PUF60: variants seen among roughly 807,000 people sequenced by gnomAD.
PUF60 encodes the protein poly(U)-binding-splicing factor PUF60.
Under a neutral mutation model 61.8 loss-of-function variants are expected in PUF60, and 10 were observed. The ratio of observed to expected loss-of-function variants is 0.16; its 90% CI spans 0.10 to 0.27. PUF60 has a LOEUF of 0.27. PUF60 is among the 10% of genes least tolerant of loss of function. The pLI is 1.00. For missense variants in PUF60, 371 were observed against 754.0 expected (o/e 0.49, Z 5.95); for synonymous variants, 353 against 300.9 (o/e 1.17, Z -1.79).
rs1816546480 is a variant in PUF60 at position 143,817,885 on chromosome 8, T to C, written c.794A>G (p.Lys265Arg). 7.4e-6 allele frequency: 12 copies of C among 1,612,444 alleles called. No individual in the cohort carries two copies. Among genetic ancestry groups the C allele is most frequent in the Non-Finnish European group, 1.0e-5 (12 of 1,179,662 alleles). Residue 265 changes from lysine to arginine, a missense_variant, in exon 8 of 12, where the codon AAG (lysine) becomes AGG (arginine). This residue lies in a region of PUF60 where 24 missense variants were observed against 35.0 expected (regional missense o/e 0.68). Transcript: ENST00000526683. The surrounding 1 kb of genome is among the most constrained non-coding windows in gnomAD (Gnocchi z 7.4). Reference sequence around the variant, plus strand: ...ACCAATGAAGCCGTAGCCCTTGTGCTTGCCAGTTGTGGGGTCCCGGGCCAG... The same window carrying C: ...ACCAATGAAGCCGTAGCCCTTGTGCCTGCCAGTTGTGGGGTCCCGGGCCAG... ...CTLARDPTTG[K>R]HKGYGFIEYE... is the part of the protein sequence containing the mutation.
At chr8:143,824,710 G>T (rs756396453) in intron 1 of PUF60, 1 of 407,748 alleles carries the variant, frequency 2.5e-6, no homozygotes, top group Admixed American at 4.0e-5. Flanking sequence ...CTCTCCTGCC[G>T]GCAGGCTGGA....
In PUF60 at chr8:143,824,295, G is replaced by A. The variant is rs751526957; in HGVS notation, c.111+18C>T. ...GCAGGCGGGCGGGCCTGAGGGAGAG[G>A]ATGCTTAAGGTCAGTACCTGTGGAG... On this transcript the variant is annotated intron_variant, in intron 2 of 11. Transcript: ENST00000526683. 8.8e-6 allele frequency: 14 copies of A among 1,593,050 alleles called. No individual in the cohort carries two copies. The highest frequency in any genetic ancestry group is 6.0e-6 in the Non-Finnish European group (7 of 1,171,552).
chr8:143,820,826 G>A (rs1563831352), intron 4 of PUF60, 110 bp from the exon 5 acceptor site: 3 of 1,070,866 alleles, frequency 2.8e-6, no homozygotes. Context: ...CCCTGCCAGG[G>A]AGGCCGCCTG....
At chr8:143,824,771 G>A (rs956466339) in intron 1 of PUF60, 5 of 302,648 alleles carry the variant, frequency 1.7e-5, no homozygotes, top group South Asian at 3.9e-5. Context: ...AGGCAGCAGC[G>A]GTGCCTTCCT....
chr8:143,816,941 A>T lies in PUF60; in HGVS notation c.1349T>A (p.Met450Lys). The T allele has an allele frequency of 6.5e-7, 1 of 1,548,332 alleles. No homozygotes were observed. The change falls in exon 11 of 12, where the codon ATG becomes AAG. Residue 450 changes from methionine to lysine, a missense_variant. Physicochemically the swap from Met to Lys is moderately conservative, Grantham distance 95. This residue lies in a region of PUF60 where 38 missense variants were observed against 112.9 expected (regional missense o/e 0.34). Coordinates refer to ENST00000526683, the MANE Select transcript of PUF60 (RefSeq NM_078480.3). ...MSISGSSARH[M>K]VMQKLLRKQE... ...CTTGCGGAGCAGCTTCTGCATCACCATGTGTCGGGCGCTACTGCCCGAGAT... is the reference window on the plus strand; with the variant it reads ...CTTGCGGAGCAGCTTCTGCATCACCTTGTGTCGGGCGCTACTGCCCGAGAT...
At position 143,821,089 on chromosome 8, in the gene PUF60, C is replaced by G. The variant is rs541227366; in HGVS notation, c.298-373G>C. ...TCGGCCTCACACCGGCCTCTTCCCA[C>G]GAAGGTATCGCAGCCTCCGGCCACA... On this transcript the variant is annotated intron_variant, in intron 4 of 11. Transcript: ENST00000526683. Among the ~76,000 whole-genome samples, 20 of 152,366 alleles carry G rather than the reference C, an allele frequency of 1.3e-4. 1 individual carries two copies. The highest frequency in any genetic ancestry group is 4.3e-4 in the African/African-American group (18 of 41,596).
intron 5 of PUF60, among the ~76,000 whole-genome samples, chr8:143,819,195 G>A (rs193188489): frequency 1.3e-3 from 197 of 152,214 alleles, no homozygotes; most frequent in African/African-American, 4.4e-3. Context: ...GGGCCCAGGC[G>A]AGACCACTGG....
At chr8:143,827,500 G>A (rs766843343) in intron 1 of PUF60, 12 of 455,138 alleles carry the variant, frequency 2.6e-5, no homozygotes, top group Non-Finnish European at 5.3e-5. Flanking sequence ...GCCACTGTCA[G>A]CCAAGTTCAG....
In PUF60 at chr8:143,824,353, G is replaced by C. The variant is rs760947547; in HGVS notation, c.71C>G (p.Ala24Gly). The part of the protein sequence containing the change: ...QGGGSEPAAA[A>G]AVVAAGDKWK... ...TTTGTCTCCCGCTGCCACCACTGCCGCCGCCGCCGCCGGCTCGGACCCCCC... is the reference window on the plus strand; with the variant it reads ...TTTGTCTCCCGCTGCCACCACTGCCCCCGCCGCCGCCGGCTCGGACCCCCC... The change falls in exon 2 of 12, where the codon GCG becomes GGG. Residue 24 changes from alanine to glycine, a missense_variant. Coordinates refer to ENST00000526683, the MANE Select transcript of PUF60 (RefSeq NM_078480.3). 3 of 1,612,138 alleles carry C rather than the reference G, an allele frequency of 1.9e-6. No homozygotes were observed. Among genetic ancestry groups the C allele is most frequent in the Admixed American group, 3.3e-5 (2 of 59,988 alleles).
At chr8:143,820,802 G>T in intron 4 of PUF60, 86 bp from the exon 5 acceptor site, 1 of 1,329,974 alleles carries the variant, frequency 7.5e-7, no homozygotes, top group Non-Finnish European at 1.1e-6. Context: ...CAGCGGCAAG[G>T]CCCGGAGTCC....
At chr8:143,820,825 G>A in intron 4 of PUF60, 109 bp from the exon 5 acceptor site, 1 of 1,089,510 alleles carries the variant, frequency 9.2e-7, no homozygotes, top group Non-Finnish European at 1.4e-6. Flanking sequence ...GCCCTGCCAG[G>A]GAGGCCGCCT....
intron 1 of PUF60, among the ~76,000 whole-genome samples, chr8:143,828,524 G>A (rs1684532840): frequency 6.6e-6 from 1 of 152,236 alleles, no homozygotes; most frequent in African/African-American, 2.4e-5. Flanking sequence ...TGGGCACTGA[G>A]CAGAGCAGGG....
Position 143,817,914 on chromosome 8 carries a change from G to A in PUF60, c.765C>T (p.Cys255=), listed in dbSNP as rs1816549689. 6.2e-7 allele frequency: 1 copy of A among 1,612,764 alleles called. No individual in the cohort carries two copies. Among genetic ancestry groups the A allele is most frequent in the Non-Finnish European group, 8.5e-7 (1 of 1,179,864 alleles). ...CAGTTGTGGGGTCCCGGGCCAGTGT[G>A]CAGGACTTGATCTTGCCAAAGGCCT... ...VFEAFGKIKS[C]TLARDPTTGK... The change falls in exon 8 of 12, where the codon TGC becomes TGT. Residue 255 remains cysteine, a synonymous_variant. Coordinates refer to ENST00000526683, the MANE Select transcript of PUF60 (RefSeq NM_078480.3). This position sits in a 1 kb window ranked among gnomAD's most constrained non-coding sequence, Gnocchi z 7.4.
intron 1 of PUF60, among the ~76,000 whole-genome samples, chr8:143,828,218 C>A (rs915504449): frequency 2.6e-5 from 4 of 152,228 alleles, no homozygotes; most frequent in Non-Finnish European, 5.9e-5. Flanking sequence ...GGGACCAGCC[C>A]GCCCGCTGGG....
rs1586553426 is a variant in PUF60, at chr8:143,816,439, T to C, written c.*81A>G. On this transcript the variant is annotated 3_prime_UTR_variant, in exon 12 of 12. Coordinates refer to ENST00000526683, the MANE Select transcript of PUF60 (RefSeq NM_078480.3). ...TAGGCTGGGCTGGGCAGAGCGCGCC[T>C]GGCCCCGGGGACACCACTGTATCAC... The C allele has an allele frequency of 2.7e-6, 4 of 1,480,100 alleles. No homozygotes were observed. The highest frequency in any genetic ancestry group is 1.8e-4 in the Middle Eastern group (1 of 5,590). The allele number at this position is 1,480,100 out of a possible 1,614,324, so 91.7% of individuals were successfully genotyped here.
intron 2 of PUF60, chr8:143,822,440 C>T (rs1207157731): frequency 4.4e-6 from 2 of 455,438 alleles, no homozygotes; most frequent in Non-Finnish European, 4.4e-6. Context: ...AAGGGCCTCT[C>T]TCCCAACAGT....
In PUF60 at chr8:143,822,919, G is replaced by A. The variant is rs1817191263; in HGVS notation, c.112-1006C>T. The A allele has an allele frequency of 1.4e-5, 4 of 277,876 alleles. No individual in the cohort carries two copies. The Admixed American group carries it at 1.8e-4, about 13-fold the overall frequency. 17.2% of individuals were successfully genotyped at this position (277,876 alleles called of 1,614,324 possible). On this transcript the variant is annotated intron_variant, in intron 2 of 11. Coordinates refer to ENST00000526683, the MANE Select transcript of PUF60 (RefSeq NM_078480.3). ...GCCTTGAGGGACAGCAGAGAAGAGA[G>A]AAGGGTCCCCAGCACAGAAGTGATG... is the stretch of plus-strand genomic sequence containing the variant.
rs150640879 is a variant in PUF60 at position 143,816,487 on chromosome 8, G to A, written c.*33C>T. ...CACTATAAAACCCAGAGGAAACAAG[G>A]AACAAGTGCAAGTCCGGGGAGAGGG... On this transcript the variant is annotated 3_prime_UTR_variant, in exon 12 of 12. Coordinates refer to ENST00000526683, the MANE Select transcript of PUF60 (RefSeq NM_078480.3). 9 of 1,578,908 alleles carry A rather than the reference G, an allele frequency of 5.7e-6. No homozygotes were observed. The East Asian group carries it at 1.3e-4, about 24-fold the overall frequency.
intron 5 of PUF60, among the ~76,000 whole-genome samples, chr8:143,819,364 CT>C (rs1816753152): frequency 6.6e-6 from 1 of 151,984 alleles, no homozygotes; most frequent in South Asian, 2.1e-4. Context: ...GTTCTCGCCC[CT>C]GTCACCTCAC....
Sources: gnomAD v4.1 joint callset for allele counts (sites outside exome capture counted in the v4.1 genomes callset) on GRCh38, gnomAD v4.1.1 for gene constraint, gnomAD v4.1.1 regional missense constraint, Gnocchi (gnomAD v3.1) non-coding constraint, MANE v1.5 for transcripts, NCBI Gene and HGNC (gene_info 2026-07-23, HGNC 2026-07-21) for gene names.